PIP5K1B: variants seen among roughly 807,000 people sequenced by gnomAD.
PIP5K1B encodes the protein phosphatidylinositol-4-phosphate 5-kinase type 1 beta.
A neutral mutation model predicts 67.0 loss-of-function variants in PIP5K1B; 42 were observed. The ratio of observed to expected loss-of-function variants is 0.63; its 90% CI spans 0.49 to 0.81. PIP5K1B has a LOEUF of 0.81. Among genes scored for constraint, PIP5K1B ranks in the 30% least tolerant of loss-of-function variants. The pLI, the probability that PIP5K1B is intolerant of heterozygous loss-of-function variation, is 0.00. For synonymous variants in PIP5K1B, 214 were observed against 231.4 expected, an observed-to-expected ratio of 0.92 and a Z score of 0.68; for missense variants, 459 against 646.3, an observed-to-expected ratio of 0.71 and a Z score of 3.14.
At chr9:68,922,442 C>T (rs11144327) in intron 11 of PIP5K1B, among the ~76,000 whole-genome samples, 14,437 of 127,834 alleles carry the variant, frequency 0.11, 882 homozygotes, top group Non-Finnish European at 0.16. Flanking sequence ...AGCCTGGCGA[C>T]AGAGCAAGAC....
chr9:68,976,040 A>G (rs1490593180), intron 14 of PIP5K1B, among the ~76,000 whole-genome samples: 1 of 152,224 alleles, frequency 6.6e-6, no homozygotes, highest in Admixed American at 6.5e-5. Context: ...ACCCATAACA[A>G]CATGGCTCTG....
chr9:68,802,825 GAGGT>G (rs1684424030), intron 2 of PIP5K1B, among the ~76,000 whole-genome samples: 1 of 152,214 alleles, frequency 6.6e-6, no homozygotes, highest in Non-Finnish European at 1.5e-5. Flanking sequence ...AGAGTCGTGA[GAGGT>G]CATACGCTGT....
chr9:68,882,418 A>G (rs553033817), intron 6 of PIP5K1B, among the ~76,000 whole-genome samples: 1 of 152,324 alleles, frequency 6.6e-6, no homozygotes, highest in African/African-American at 2.4e-5. Context: ...GGATCAAAAC[A>G]ATTTATTATT....
intron 2 of PIP5K1B, among the ~76,000 whole-genome samples, chr9:68,792,623 C>T (rs567026424): frequency 1.2e-3 from 185 of 152,188 alleles, no homozygotes; most frequent in Non-Finnish European, 2.1e-3. Flanking sequence ...GGACTACAGG[C>T]ACCCGCCACC....
intron 6 of PIP5K1B, among the ~76,000 whole-genome samples, chr9:68,880,735 G>A (rs1211409422): frequency 6.6e-6 from 1 of 152,162 alleles, no homozygotes; most frequent in Non-Finnish European, 1.5e-5. Flanking sequence ...TCAGTGTCTA[G>A]ACACATCTCT....
chr9:68,773,488 A>C (rs1830763329), intron 2 of PIP5K1B, among the ~76,000 whole-genome samples: 1 of 152,070 alleles, frequency 6.6e-6, no homozygotes. Flanking sequence ...GGCTATTTTA[A>C]TTTAATATCT....
At position 69,003,466 on chromosome 9, in the gene PIP5K1B, T is replaced by TAA. The variant is rs57669897; in HGVS notation, c.1621-4970_1621-4969dup. Among the ~76,000 whole-genome samples, 238 of 16,552 alleles carry TAA rather than the reference T, an allele frequency of 0.014. 3 individuals carry two copies. In the South Asian group the frequency reaches 0.17, roughly 12 times the overall value. 10.9% of individuals were successfully genotyped at this position (16,552 alleles called of 152,430 possible). A position where few individuals can be genotyped will look rare whatever the true frequency, so the allele number is the denominator to read the frequency against. On this transcript the variant is annotated intron_variant, in intron 15 of 15. Transcript: ENST00000265382. ...GACTGAAACCTGAGGTAATTATAGTTAAAAAAAAAAAAGGGGGGGGGATAT... is the reference window on the plus strand; with the variant it reads ...GACTGAAACCTGAGGTAATTATAGTTAAAAAAAAAAAAAAGGGGGGGGGATAT...
At chr9:68,893,554 G>A (rs191849429) in intron 7 of PIP5K1B, among the ~76,000 whole-genome samples, 259 of 151,992 alleles carry the variant, frequency 1.7e-3, no homozygotes, top group African/African-American at 6.0e-3. Context: ...GGCTGGTCTC[G>A]AACTCCTGAC....
At chr9:68,756,083 G>A (rs557694364) in intron 2 of PIP5K1B, among the ~76,000 whole-genome samples, 157 of 152,326 alleles carry the variant, frequency 1.0e-3, no homozygotes, top group Middle Eastern at 3.4e-3. Context: ...GTGTGGAGAA[G>A]GAGGCTGCAT....
chr9:68,751,113 T>G (rs1829608431), intron 2 of PIP5K1B, among the ~76,000 whole-genome samples: 2 of 152,182 alleles, frequency 1.3e-5, no homozygotes, highest in Admixed American at 1.3e-4. Flanking sequence ...GCCTGGTAGT[T>G]ATTGTAAAGT....
chr9:68,993,237 T>C (rs1291637523), intron 15 of PIP5K1B, among the ~76,000 whole-genome samples: 1 of 151,848 alleles, frequency 6.6e-6, no homozygotes, highest in East Asian at 1.9e-4. Flanking sequence ...TCCCTGGGTC[T>C]CCCTCTTCCT....
chr9:68,780,485 G>A lies in PIP5K1B; in HGVS notation c.-86+37828G>A, dbSNP rs781159807. 4 of 1,614,238 alleles carry A rather than the reference G, an allele frequency of 2.5e-6. No individual in the cohort carries two copies. The South Asian group carries it at 4.4e-5, about 18-fold the overall frequency. ...GAGAGACGGTCCACGAACGGGAGGTGCAGACCGCAATGCAGATAAGCCACT... is the reference window on the plus strand; with the variant it reads ...GAGAGACGGTCCACGAACGGGAGGTACAGACCGCAATGCAGATAAGCCACT... On this transcript the variant is annotated intron_variant, in intron 2 of 15. Coordinates refer to ENST00000265382, the MANE Select transcript of PIP5K1B (RefSeq NM_003558.4).
rs1182833231 is a variant in PIP5K1B, at chr9:68,973,155, T to A, written c.1503-17985T>A. On this transcript the variant is annotated intron_variant, in intron 14 of 15. Coordinates refer to ENST00000265382, the MANE Select transcript of PIP5K1B (RefSeq NM_003558.4). ...CAAGGCAAGAACTAAAGCCTTCCAG[T>A]GCCTGCTCCCGCAACAGCTCAGACG... 2.0e-5 allele frequency among the ~76,000 whole-genome samples: 3 copies of A among 152,184 alleles called. No individual in the cohort carries two copies. The East Asian group carries it at 5.8e-4, about 29-fold the overall frequency.
chr9:68,736,535 G>A (rs1469160342), intron 1 of PIP5K1B, among the ~76,000 whole-genome samples: 1 of 152,146 alleles, frequency 6.6e-6, no homozygotes, highest in African/African-American at 2.4e-5. Flanking sequence ...CACAGTTCTG[G>A]AGGTCAGAGT....
intron 14 of PIP5K1B, among the ~76,000 whole-genome samples, chr9:68,980,912 T>A (rs12379823): frequency 0.19 from 29,414 of 152,136 alleles, 3,191 homozygotes; most frequent in East Asian, 0.44. Context: ...ACATTTTTCT[T>A]TGCATGACCC....
At chr9:68,779,415 A>C (rs991202118) in intron 2 of PIP5K1B, among the ~76,000 whole-genome samples, 1 of 152,158 alleles carries the variant, frequency 6.6e-6, no homozygotes, top group Non-Finnish European at 1.5e-5. Flanking sequence ...CCTTAGTGCA[A>C]ATGACCATCC....
At position 68,876,659 on chromosome 9, in the gene PIP5K1B, T is replaced by C; in HGVS notation, c.201-18T>C. ...ATGTGTTCTTTCTTTCTCTCTCTTT[T>C]TAATATTTTGACTTCAGCGAAGGGA... On this transcript the variant is annotated intron_variant, in intron 5 of 15. Coordinates refer to ENST00000265382, the MANE Select transcript of PIP5K1B (RefSeq NM_003558.4). 2 of 1,332,754 alleles carry C rather than the reference T, an allele frequency of 1.5e-6. No homozygotes were observed. Among genetic ancestry groups the C allele is most frequent in the Non-Finnish European group, 2.2e-6 (2 of 924,348 alleles). The allele number at this position is 1,332,754 out of a possible 1,614,324, so 82.6% of individuals were successfully genotyped here.
At chr9:68,868,609 T>G (rs1823473801) in intron 5 of PIP5K1B, among the ~76,000 whole-genome samples, 1 of 152,210 alleles carries the variant, frequency 6.6e-6, no homozygotes, top group Non-Finnish European at 1.5e-5. Flanking sequence ...TCAGAACAAG[T>G]GTCCAGCTTT....
chr9:68,992,315 GT>G (rs1830418639), intron 15 of PIP5K1B, among the ~76,000 whole-genome samples: 1 of 152,100 alleles, frequency 6.6e-6, no homozygotes, highest in Non-Finnish European at 1.5e-5. Context: ...AATTTTCTGG[GT>G]TTTTTTAAGT....
Sources: allele counts gnomAD v4.1 joint callset (sites outside exome capture counted in the v4.1 genomes callset), GRCh38; gene constraint gnomAD v4.1.1; transcripts MANE v1.5; gene names NCBI Gene and HGNC (gene_info 2026-07-23, HGNC 2026-07-21).